The following FERRY3 variants were observed in gnomAD, a reference collection of about 807,000 sequenced individuals.
FERRY3 encodes the protein FERRY endosomal RAB5 effector complex subunit 3, also known as protein C12orf4.
chr12:4,533,933 T>C, the FERRY3 span: 22 of 370,064 alleles, frequency 5.9e-5, 1 homozygote, highest in South Asian at 9.7e-4. Flanking sequence ...TGGTGAGATA[T>C]ATGCAAGTAG....
chr12:4,513,591 A>G, the FERRY3 span, among the ~76,000 whole-genome samples: 1 of 152,022 alleles, frequency 6.6e-6, no homozygotes, highest in Non-Finnish European at 1.5e-5. Flanking sequence ...ATAACGCCAC[A>G]TATCTACAAT....
At chr12:4,525,070 T>C in the FERRY3 span, 1 of 643,546 alleles carries the variant, frequency 1.6e-6, no homozygotes, top group Admixed American at 3.3e-5. Flanking sequence ...CAATAACCAT[T>C]GCCCCCCAAA....
At chr12:4,529,323 C>CATT in the FERRY3 span, among the ~76,000 whole-genome samples, 1 of 152,006 alleles carries the variant, frequency 6.6e-6, no homozygotes, top group Non-Finnish European at 1.5e-5. Context: ...TTCTAAGGTA[C>CATT]TTGAGCGTAC....
At chr12:4,505,336 C>T in the FERRY3 span, 2 of 1,605,678 alleles carry the variant, frequency 1.2e-6, no homozygotes, top group Non-Finnish European at 1.7e-6. Context: ...TTCCTCTCAG[C>T]ATTCTTAGTC....
At chr12:4,492,465 T>C in the FERRY3 span, among the ~76,000 whole-genome samples, 4 of 152,222 alleles carry the variant, frequency 2.6e-5, no homozygotes, top group Non-Finnish European at 5.9e-5. Flanking sequence ...TAGGCTTCCA[T>C]CCCATCACTC....
the FERRY3 span, among the ~76,000 whole-genome samples, chr12:4,517,708 G>A: frequency 1.6e-5 from 2 of 122,756 alleles, no homozygotes; most frequent in African/African-American, 3.9e-5. Flanking sequence ...TATATATATA[G>A]ACAGAGAGAG....
At chr12:4,489,957 AT>A in the FERRY3 span, 2 of 1,171,700 alleles carry the variant, frequency 1.7e-6, no homozygotes, top group Non-Finnish European at 2.5e-6. Flanking sequence ...TTTAAAAATA[AT>A]TTTAGAAGTA....
chr12:4,500,169 A>T, the FERRY3 span: 1 of 1,614,006 alleles, frequency 6.2e-7, no homozygotes, highest in Non-Finnish European at 8.5e-7. Flanking sequence ...CAAGAGAGGA[A>T]TGCTTATTGT....
At chr12:4,525,524 T>C in the FERRY3 span, 1 of 1,613,152 alleles carries the variant, frequency 6.2e-7, no homozygotes. Flanking sequence ...TGAATTTACA[T>C]CTTGATCTGT....
At chr12:4,528,145 C>A in the FERRY3 span, among the ~76,000 whole-genome samples, 1 of 151,806 alleles carries the variant, frequency 6.6e-6, no homozygotes, top group Non-Finnish European at 1.5e-5. Flanking sequence ...TATAGGGAGC[C>A]AAAATGGGAA....
At chr12:4,535,265 C>T in the FERRY3 span, among the ~76,000 whole-genome samples, 2 of 152,218 alleles carry the variant, frequency 1.3e-5, no homozygotes, top group East Asian at 3.8e-4. This position sits in a 1 kb window ranked among gnomAD's most constrained non-coding sequence, Gnocchi z 4.0. Flanking sequence ...TTTAAACAGA[C>T]TGCCACATGC....
chr12:4,491,242 C>T, the FERRY3 span: 9 of 1,610,152 alleles, frequency 5.6e-6, no homozygotes, highest in African/African-American at 4.0e-5. Flanking sequence ...TTCCTAAAAA[C>T]AGAAACAAAA....
the FERRY3 span, among the ~76,000 whole-genome samples, chr12:4,515,368 C>T: frequency 6.6e-6 from 1 of 152,174 alleles, no homozygotes; most frequent in African/African-American, 2.4e-5. Flanking sequence ...TTCTTAAAGA[C>T]TTCATTTTGG....
At chr12:4,523,273 C>T in the FERRY3 span, among the ~76,000 whole-genome samples, 15 of 152,068 alleles carry the variant, frequency 9.9e-5, no homozygotes, top group African/African-American at 3.4e-4. Flanking sequence ...ACATTATTTC[C>T]TAGGAATACT....
At chr12:4,529,028 AT>A in the FERRY3 span, among the ~76,000 whole-genome samples, 1 of 152,120 alleles carries the variant, frequency 6.6e-6, no homozygotes, top group Non-Finnish European at 1.5e-5. Flanking sequence ...AATGTCTTAA[AT>A]AAGTGTTTTT....
the FERRY3 span, chr12:4,516,965 C>T: frequency 0.1 from 107,738 of 1,065,202 alleles, 6,277 homozygotes; most frequent in Non-Finnish European, 0.12. Context: ...AATTTCCTAT[C>T]TTCCACCAAC....
At chr12:4,531,217 T>A in the FERRY3 span, among the ~76,000 whole-genome samples, 1 of 152,224 alleles carries the variant, frequency 6.6e-6, no homozygotes, top group African/African-American at 2.4e-5. Context: ...ACTCTATGCC[T>A]CTGAAACTCC....
chr12:4,520,387 C>T, the FERRY3 span, among the ~76,000 whole-genome samples: 1 of 152,156 alleles, frequency 6.6e-6, no homozygotes, highest in Admixed American at 6.5e-5. Context: ...TCCGGACCCC[C>T]AACTATGAGC....
chr12:4,526,403 T>A, the FERRY3 span, among the ~76,000 whole-genome samples: 1 of 152,196 alleles, frequency 6.6e-6, no homozygotes, highest in Admixed American at 6.5e-5. Context: ...ACTTAAAAAA[T>A]TGAAATTAAA....
Sources: gnomAD v4.1 joint callset for allele counts (sites outside exome capture counted in the v4.1 genomes callset) on GRCh38, gnomAD v4.1.1 for gene constraint, Gnocchi (gnomAD v3.1) non-coding constraint, MANE v1.5 for transcripts, NCBI Gene and HGNC (gene_info 2026-07-23, HGNC 2026-07-21) for gene names.